The following CACNA1C variants were observed in gnomAD, a reference collection of about 807,000 sequenced individuals.
CACNA1C encodes the protein calcium voltage-gated channel subunit alpha1 C.
In CACNA1C, 30 loss-of-function variants were observed where a neutral mutation model predicts 229.0. The ratio of observed to expected loss-of-function variants is 0.13; its 90% CI spans 0.10 to 0.18. The LOEUF is 0.18. Ranked by LOEUF, CACNA1C falls within the 10% of genes least tolerant of loss-of-function variation. The probability of loss-of-function intolerance (pLI) is 1.00; values close to 1 mark genes in which losing one functional copy is unlikely to be tolerated. For synonymous variants in CACNA1C, 1,114 were observed against 1,132.5 expected, an observed-to-expected ratio of 0.98 and a Z score of 0.33; for missense variants, 1,658 against 2,845.0, an observed-to-expected ratio of 0.58 and a Z score of 9.49.
intron 1 of CACNA1C, among the ~76,000 whole-genome samples, chr12:2,090,479 G>A (rs1455787329): frequency 2.0e-5 from 3 of 151,822 alleles, no homozygotes; most frequent in Non-Finnish European, 2.9e-5. Context: ...TACCCTGCCT[G>A]GCTAATTTTT....
At chr12:2,149,654 A>G (rs1343771848) in intron 3 of CACNA1C, among the ~76,000 whole-genome samples, 1 of 152,186 alleles carries the variant, frequency 6.6e-6, no homozygotes, top group Non-Finnish European at 1.5e-5. Flanking sequence ...CTTGAGTAAG[A>G]GACAATGACC....
intron 3 of CACNA1C, among the ~76,000 whole-genome samples, chr12:2,352,753 C>T (rs1034451989): frequency 6.6e-6 from 1 of 151,932 alleles, no homozygotes; most frequent in African/African-American, 2.4e-5. Flanking sequence ...CTCTGTGGAC[C>T]GTTGAGTGTC....
intron 1 of CACNA1C, among the ~76,000 whole-genome samples, chr12:1,980,092 C>T (rs144081364): frequency 6.6e-6 from 1 of 152,244 alleles, no homozygotes; most frequent in African/African-American, 2.4e-5. Flanking sequence ...TACACTATGT[C>T]CCCATCAATT....
chr12:2,572,764 TTC>T, intron 13 of CACNA1C, among the ~76,000 whole-genome samples: 1 of 105,824 alleles, frequency 9.4e-6, no homozygotes, highest in Non-Finnish European at 2.0e-5. Context: ...CTCCTCCTTC[TTC>T]TGTTCCTCCT....
chr12:2,151,369 A>G (rs962226482), intron 3 of CACNA1C, among the ~76,000 whole-genome samples: 11 of 151,912 alleles, frequency 7.2e-5, no homozygotes, highest in African/African-American at 2.7e-4. Flanking sequence ...GCTGAAAAAA[A>G]AAAAAAAAGG....
rs1463807779 is a variant in CACNA1C, at chr12:2,493,484, C to T, written c.1113+98C>T. The T allele has an allele frequency of 1.2e-6, 1 of 857,890 alleles. No homozygotes were observed. Among genetic ancestry groups the T allele is most frequent in the Non-Finnish European group, 1.9e-6 (1 of 519,110 alleles). 53.1% of individuals were successfully genotyped at this position (857,890 alleles called of 1,614,324 possible). ...CTCCTCCTCCCCATGGTCTTGGGGT[C>T]ACATACGCATCTTGATGGAATGGTT... On this transcript the variant is annotated intron_variant, in intron 7 of 46. Coordinates refer to ENST00000399655, the MANE Select transcript of CACNA1C (RefSeq NM_000719.7). This position sits in a 1 kb window ranked among gnomAD's most constrained non-coding sequence, Gnocchi z 4.6.
At chr12:2,625,777 TAAA>T (rs59001750) in intron 29 of CACNA1C, among the ~76,000 whole-genome samples, 2 of 108,870 alleles carry the variant, frequency 1.8e-5, no homozygotes, top group African/African-American at 3.4e-5. Flanking sequence ...ACCCCATCTC[TAAA>T]AAAAAAAAAA....
In CACNA1C at chr12:2,054,866, G is replaced by T. The variant is rs1026278459; in HGVS notation, c.49+1255G>T. Among the ~76,000 whole-genome samples the T allele has an allele frequency of 6.6e-6, 1 of 152,198 alleles. No homozygotes were observed. The highest frequency in any genetic ancestry group is 1.9e-4 in the East Asian group (1 of 5,200). The stretch of plus-strand genomic sequence containing the variant: ...CTTCCCAGTGATCCTCTGAAGACCA[G>T]CCTGGTGGAAGGAGTTGTCTCCAGG... On this transcript the variant is annotated intron_variant, in intron 1 of 46. Transcript: ENST00000399655. The surrounding 1 kb of genome is among the most constrained non-coding windows in gnomAD (Gnocchi z 5.5).
At chr12:2,247,225 T>C (rs1240547781) in intron 3 of CACNA1C, among the ~76,000 whole-genome samples, 3 of 152,178 alleles carry the variant, frequency 2.0e-5, no homozygotes, top group African/African-American at 7.2e-5. Context: ...TTGCTCTCTC[T>C]ATATGGTCAC....
rs555798556 is a variant in CACNA1C at position 2,038,611 on chromosome 12, T to G, written c.139+67410T>G. 2.6e-5 allele frequency among the ~76,000 whole-genome samples: 4 copies of G among 152,330 alleles called. No individual in the cohort carries two copies. In the South Asian group the frequency reaches 8.3e-4, roughly 32 times the overall value. ...GAGTTTTTGATAAGTCAAAGAAACA[T>G]AAAAGAAGAGAATTGTTGAGATATG... On this transcript the variant is annotated intron_variant, in intron 1 of 46. Coordinates refer to the CACNA1C transcript ENST00000682462.
intron 18 of CACNA1C, among the ~76,000 whole-genome samples, chr12:2,591,461 G>T (rs187898833): frequency 1.3e-5 from 2 of 152,192 alleles, no homozygotes; most frequent in Non-Finnish European, 2.9e-5. Context: ...TCAGCACATA[G>T]GGAGAAGGGA....
intron 29 of CACNA1C, among the ~76,000 whole-genome samples, chr12:2,619,124 A>T (rs1400937803): frequency 6.6e-6 from 1 of 152,210 alleles, no homozygotes; most frequent in East Asian, 1.9e-4. Context: ...GGAAGCCTAG[A>T]TCCCACCTCA....
intron 1 of CACNA1C, among the ~76,000 whole-genome samples, chr12:2,003,116 T>C (rs1311426232): frequency 1.3e-5 from 2 of 152,220 alleles, no homozygotes; most frequent in Non-Finnish European, 2.9e-5. Flanking sequence ...TTAAGAACTT[T>C]GGGCAAAACT....
At chr12:2,526,636 C>A (rs73252709) in intron 9 of CACNA1C, among the ~76,000 whole-genome samples, 1 of 152,210 alleles carries the variant, frequency 6.6e-6, no homozygotes, top group Admixed American at 6.5e-5. Context: ...CCAGAGTCAT[C>A]CCTCCTCAAA....
At chr12:2,680,312 CT>C in intron 42 of CACNA1C, 1 of 1,357,310 alleles carries the variant, frequency 7.4e-7, no homozygotes. Flanking sequence ...GACTGTACCT[CT>C]TACTCCTGAC....
Position 2,653,598 on chromosome 12 carries a change from A to G in CACNA1C, c.4075-237A>G, listed in dbSNP as rs886774279. On this transcript the variant is annotated intron_variant, in intron 32 of 46. Coordinates refer to ENST00000399655, the MANE Select transcript of CACNA1C (RefSeq NM_000719.7). The surrounding 1 kb of genome is among the most constrained non-coding windows in gnomAD (Gnocchi z 4.7). ...GATTGTTTTGCCCAGGTAGTGTCGC[A>G]CTATATCGTTACTCTGCGGCCTGCT... 1.3e-5 allele frequency among the ~76,000 whole-genome samples: 2 copies of G among 152,170 alleles called. No homozygotes were observed. Among genetic ancestry groups the G allele is most frequent in the African/African-American group, 4.8e-5 (2 of 41,440 alleles).
rs1337722810 is a variant in CACNA1C, at chr12:2,354,895, A to C, written c.478-94081A>C. ...CGCAGCTTTAGATTCCATTTTGGTG[A>C]GGAAATTTACATTACCCAGGTGTGC... is the stretch of plus-strand genomic sequence containing the variant. On this transcript the variant is annotated intron_variant, in intron 3 of 46. Transcript: ENST00000399655. This position sits in a 1 kb window ranked among gnomAD's most constrained non-coding sequence, Gnocchi z 4.6. Among the ~76,000 whole-genome samples the C allele has an allele frequency of 6.6e-6, 1 of 151,828 alleles. No homozygotes were observed. The highest frequency in any genetic ancestry group is 1.5e-5 in the Non-Finnish European group (1 of 67,980).
chr12:2,506,286 C>A (rs1178794238), intron 8 of CACNA1C, among the ~76,000 whole-genome samples: 1 of 152,142 alleles, frequency 6.6e-6, no homozygotes, highest in Non-Finnish European at 1.5e-5. Flanking sequence ...CAAGAAAATG[C>A]CCATGTGTTT....
At chr12:2,399,709 G>A (rs906282367) in intron 3 of CACNA1C, among the ~76,000 whole-genome samples, 7 of 152,350 alleles carry the variant, frequency 4.6e-5, no homozygotes, top group Non-Finnish European at 1.0e-4. Flanking sequence ...AGGAAAACAG[G>A]GATGTGAAGT....
Sources: allele counts gnomAD v4.1 joint callset (sites outside exome capture counted in the v4.1 genomes callset), GRCh38; gene constraint gnomAD v4.1.1; non-coding constraint Gnocchi (gnomAD v3.1); transcripts MANE v1.5; gene names NCBI Gene and HGNC (gene_info 2026-07-23, HGNC 2026-07-21).